The following CFAP221 variants were observed in gnomAD, a reference collection of about 807,000 sequenced individuals.
The protein encoded by CFAP221 is cilia and flagella associated protein 221, also known as cilia- and flagella-associated protein 221.
A neutral mutation model predicts 113.1 loss-of-function variants in CFAP221; 97 were observed. The observed-to-expected ratio is 0.86, with a 90% CI of 0.73 to 1.02. The LOEUF is 1.02. Ranked by LOEUF, CFAP221 falls within the 50% of genes least tolerant of loss-of-function variation. The pLI is 0.00. For synonymous variants in CFAP221, 331 were observed against 354.4 expected (o/e 0.93, Z 0.74); for missense variants, 1,025 against 1,013.4 (o/e 1.01, Z -0.16).
At chr2:119,656,339 T>G in intron 23 of CFAP221, 23 bp from the exon 24 acceptor site, 1 of 1,602,118 alleles carries the variant, frequency 6.2e-7, no homozygotes, top group Non-Finnish European at 8.6e-7. Flanking sequence ...TCATGTTTCC[T>G]TCTTGGGTTT....
chr2:119,598,336 GAC>G (rs1049861794), intron 7 of CFAP221, among the ~76,000 whole-genome samples: 25 of 152,292 alleles, frequency 1.6e-4, no homozygotes, highest in African/African-American at 5.8e-4. Flanking sequence ...TCCAAGTGAA[GAC>G]ACAGTGGTAT....
In CFAP221 at chr2:119,640,228, GAAAA is replaced by G. The variant is rs375565597; in HGVS notation, c.2225+361_2225+364del. Reference sequence around the variant, plus strand: ...CCATCTCAAAACAAAAAAAAAAAAGGAAAAAAAATCATAAATTGCCAAGATTAGC... The same window carrying G: ...CCATCTCAAAACAAAAAAAAAAAAGGAAAATCATAAATTGCCAAGATTAGC... On this transcript the variant is annotated intron_variant, in intron 21 of 23. Transcript: ENST00000413369. Among the ~76,000 whole-genome samples the G allele has an allele frequency of 3.6e-3, 540 of 149,592 alleles. 5 individuals carry two copies. Among genetic ancestry groups the G allele is most frequent in the African/African-American group, 0.013 (508 of 40,302 alleles).
At position 119,614,775 on chromosome 2, in the gene CFAP221, G is replaced by A. The variant is rs555062509; in HGVS notation, c.1312-836G>A. On this transcript the variant is annotated intron_variant, in intron 13 of 23. Coordinates refer to ENST00000413369, the MANE Select transcript of CFAP221 (RefSeq NM_001271049.2). ...TAAAAGTCCAACTTTTAATTTCAAC[G>A]ATGATAAAATTCTAATCTCCCACCT... 1.7e-4 allele frequency among the ~76,000 whole-genome samples: 26 copies of A among 152,274 alleles called. No homozygotes were observed. The South Asian group carries it at 3.5e-3, about 21-fold the overall frequency.
rs1252394715 is a variant in CFAP221, at chr2:119,546,288, A to G, written c.139+18A>G. ...AGAATCAAGTAAGTGGCTAGAAGACAGATTTGCTTTACAGCTCACATCTTC... is the reference window on the plus strand; with the variant it reads ...AGAATCAAGTAAGTGGCTAGAAGACGGATTTGCTTTACAGCTCACATCTTC... On this transcript the variant is annotated intron_variant, in intron 2 of 23. Transcript: ENST00000413369. 6.5e-7 allele frequency: 1 copy of G among 1,531,572 alleles called. No homozygotes were observed. Among genetic ancestry groups the G allele is most frequent in the Non-Finnish European group, 8.7e-7 (1 of 1,145,516 alleles). 94.9% of individuals were successfully genotyped at this position (1,531,572 alleles called of 1,614,324 possible).
chr2:119,551,529 A>G (rs969619885), intron 3 of CFAP221, among the ~76,000 whole-genome samples: 2 of 152,128 alleles, frequency 1.3e-5, no homozygotes, highest in African/African-American at 4.8e-5. Flanking sequence ...TTCCCCATTG[A>G]ATGGTCTTGG....
At chr2:119,572,382 A>G (rs1023519319) in intron 6 of CFAP221, among the ~76,000 whole-genome samples, 5 of 152,208 alleles carry the variant, frequency 3.3e-5, no homozygotes, top group African/African-American at 1.2e-4. Flanking sequence ...TAAAATTTAT[A>G]ATTATTCAAT....
At chr2:119,573,220 T>C (rs1682191999) in intron 6 of CFAP221, 1 of 152,196 alleles carries the variant, frequency 6.6e-6, no homozygotes, top group African/African-American at 2.4e-5. Flanking sequence ...GAGAACCAGC[T>C]GTAACTGGGT....
At chr2:119,572,864 A>C (rs1682166700) in intron 6 of CFAP221, 1 of 364,052 alleles carries the variant, frequency 2.7e-6, no homozygotes, top group Non-Finnish European at 4.9e-6. Context: ...CCACATTAAC[A>C]ACATTCACAG....
intron 6 of CFAP221, among the ~76,000 whole-genome samples, chr2:119,579,666 G>T (rs1682708047): frequency 6.6e-6 from 1 of 152,150 alleles, no homozygotes; most frequent in South Asian, 2.1e-4. Flanking sequence ...TGTTTTTCCA[G>T]ACTGGCTAAT....
intron 12 of CFAP221, among the ~76,000 whole-genome samples, chr2:119,609,417 A>C (rs1684996143): frequency 6.6e-6 from 1 of 152,192 alleles, no homozygotes; most frequent in African/African-American, 2.4e-5. Flanking sequence ...TGGAGGCTGG[A>C]AGTCCAAAAT....
intron 13 of CFAP221, among the ~76,000 whole-genome samples, chr2:119,613,165 G>T (rs1311642012): frequency 1.3e-5 from 2 of 152,216 alleles, no homozygotes; most frequent in Admixed American, 6.5e-5. Context: ...GGACTGCTTT[G>T]CTCCTGTGGC....
At chr2:119,615,835 A>C (rs1685485111) in intron 14 of CFAP221, 126 bp downstream of exon 14, 1 of 658,254 alleles carries the variant, frequency 1.5e-6, no homozygotes, top group Non-Finnish European at 2.5e-6. Flanking sequence ...CACCCTTGTA[A>C]AATGTACATC....
intron 14 of CFAP221, among the ~76,000 whole-genome samples, chr2:119,619,298 C>A (rs1231448084): frequency 6.6e-6 from 1 of 152,226 alleles, no homozygotes; most frequent in Non-Finnish European, 1.5e-5. Context: ...CTGGGAGACA[C>A]CTCCCAGCAG....
intron 19 of CFAP221, among the ~76,000 whole-genome samples, chr2:119,632,808 A>G (rs1397992422): frequency 6.6e-6 from 1 of 152,164 alleles, no homozygotes; most frequent in South Asian, 2.1e-4. Flanking sequence ...ATGCAGAATC[A>G]CCATATAAAA....
intron 7 of CFAP221, among the ~76,000 whole-genome samples, chr2:119,596,575 G>T (rs1337725044): frequency 2.0e-5 from 3 of 152,228 alleles, no homozygotes; most frequent in African/African-American, 7.2e-5. Context: ...TTGGATATTT[G>T]ATGAACAGGG....
chr2:119,601,474 C>A, intron 8 of CFAP221, 97 bp downstream of exon 8: 1 of 1,150,728 alleles, frequency 8.7e-7, no homozygotes, highest in South Asian at 2.1e-5. Context: ...AAAAGAATGT[C>A]ATCAAAAACT....
In CFAP221 at chr2:119,631,863, G is replaced by T. The variant is rs182923249; in HGVS notation, c.1974+962G>T. 1.3e-3 allele frequency among the ~76,000 whole-genome samples: 201 copies of T among 152,238 alleles called. 1 individual carries two copies. Among genetic ancestry groups the T allele is most frequent in the Middle Eastern group, 0.01 (3 of 294 alleles). On this transcript the variant is annotated intron_variant, in intron 19 of 23. Transcript: ENST00000413369. Reference sequence around the variant, plus strand: ...TATTCTACAGATTTTAAAAAGATAAGAAGTTAATATTATGAAAAACTTTAT... The same window carrying T: ...TATTCTACAGATTTTAAAAAGATAATAAGTTAATATTATGAAAAACTTTAT...
At chr2:119,630,127 G>C (rs1431994733) in intron 17 of CFAP221, among the ~76,000 whole-genome samples, 172 bp downstream of exon 17, 1 of 152,208 alleles carries the variant, frequency 6.6e-6, no homozygotes, top group Non-Finnish European at 1.5e-5. Flanking sequence ...TTTTCTCATA[G>C]TGTGGCTTAG....
chr2:119,584,731 G>A (rs1259261729), intron 6 of CFAP221, among the ~76,000 whole-genome samples: 1 of 152,152 alleles, frequency 6.6e-6, no homozygotes, highest in African/African-American at 2.4e-5. Flanking sequence ...AAAAGAATGA[G>A]AATGAAAGTG....
Sources: gnomAD v4.1 joint callset for allele counts (sites outside exome capture counted in the v4.1 genomes callset) on GRCh38, gnomAD v4.1.1 for gene constraint, MANE v1.5 for transcripts, NCBI Gene and HGNC (gene_info 2026-07-23, HGNC 2026-07-21) for gene names.